The following ASH1L variants were observed in gnomAD, a reference collection of about 807,000 sequenced individuals.
ASH1L encodes the protein histone-lysine N-methyltransferase ASH1L.
In ASH1L, 23 loss-of-function variants were observed where a neutral mutation model predicts 269.0. The observed-to-expected ratio is 0.09, with a 90% confidence interval of 0.06 to 0.12. ASH1L has a LOEUF of 0.12. ASH1L is among the 10% of genes least tolerant of loss of function. The pLI, the probability that ASH1L is intolerant of heterozygous loss-of-function variation, is 1.00. For missense variants in ASH1L, 2,912 were observed against 3,567.8 expected (o/e 0.82, Z 4.68); for synonymous variants, 1,187 against 1,253.5 (o/e 0.95, Z 1.12).
chr1:155,345,325 C>T (rs1435555679), intron 21 of ASH1L, among the ~76,000 whole-genome samples: 19 of 151,248 alleles, frequency 1.3e-4, no homozygotes, highest in African/African-American at 3.2e-4. Flanking sequence ...GGATTACAGG[C>T]GCCTGCCACT....
At chr1:155,539,694 A>G (rs1308484685) in intron 1 of ASH1L, among the ~76,000 whole-genome samples, 2 of 151,792 alleles carry the variant, frequency 1.3e-5, no homozygotes, top group African/African-American at 4.8e-5. Flanking sequence ...ACGATCTTCC[A>G]GCCTCGGCCT....
rs150928540 is a variant in ASH1L at position 155,469,076 on chromosome 1, T to C, written c.4984+8810A>G. 4.2e-3 allele frequency among the ~76,000 whole-genome samples: 634 copies of C among 152,282 alleles called. 3 individuals are homozygous for C. The highest frequency in any genetic ancestry group is 0.015 in the African/African-American group (619 of 41,560). ...TCCAGAAATCTAACATTTGCCACTA[T>C]ACAAATGGCTCTCAGACACAAGACA... On this transcript the variant is annotated intron_variant, in intron 3 of 27. Coordinates refer to ENST00000392403, the MANE Select transcript of ASH1L (RefSeq NM_018489.3).
chr1:155,453,921 T>C (rs1663684412), intron 4 of ASH1L, among the ~76,000 whole-genome samples: 1 of 151,998 alleles, frequency 6.6e-6, no homozygotes, highest in Non-Finnish European at 1.5e-5. Flanking sequence ...GCTAACACGG[T>C]GAAACCCCGT....
At chr1:155,494,357 C>G (rs529428733) in intron 2 of ASH1L, among the ~76,000 whole-genome samples, 1 of 152,002 alleles carries the variant, frequency 6.6e-6, no homozygotes, top group Non-Finnish European at 1.5e-5. Context: ...ATTTTTCAGT[C>G]CAAGAAAGAG....
rs1167682897 is a variant in ASH1L, at chr1:155,349,451, T to C, written c.7430A>G (p.Asp2477Gly). 1 of 1,614,148 alleles carries C rather than the reference T, an allele frequency of 6.2e-7. No individual in the cohort carries two copies. The highest frequency in any genetic ancestry group is 1.7e-5 in the Admixed American group (1 of 60,004). Residue 2477 changes from aspartate to glycine, a missense_variant, in exon 19 of 28, where the codon GAT becomes GGT. Physicochemically the swap from Asp to Gly is moderately conservative, Grantham distance 94. Around this residue, in one of 13 missense-constraint regions of ASH1L, gnomAD observed 309 missense variants for 435.1 expected, o/e 0.71. Transcript: ENST00000392403. ...LNLPPKKKNADYYEKISDPLD... is the reference protein window; with the variant it reads ...LNLPPKKKNAGYYEKISDPLD... Reference sequence around the variant, plus strand: ...GGGATCAGAGATCTTCTCATAATAATCAGCATTCCTGGAACACAAAGCCAG... The same window carrying C: ...GGGATCAGAGATCTTCTCATAATAACCAGCATTCCTGGAACACAAAGCCAG...
intron 6 of ASH1L, among the ~76,000 whole-genome samples, chr1:155,403,398 C>T (rs557967111): frequency 6.6e-6 from 1 of 152,290 alleles, no homozygotes; most frequent in East Asian, 1.9e-4. Flanking sequence ...ACAAACAACT[C>T]TGCAGCCAAT....
At chr1:155,557,424 G>A (rs1198283483) in intron 1 of ASH1L, among the ~76,000 whole-genome samples, 1 of 151,726 alleles carries the variant, frequency 6.6e-6, no homozygotes, top group African/African-American at 2.4e-5. Flanking sequence ...CACCATGCCC[G>A]GCTAATTTTG....
chr1:155,494,287 T>C (rs1039042053), intron 2 of ASH1L, among the ~76,000 whole-genome samples: 1 of 152,158 alleles, frequency 6.6e-6, no homozygotes, highest in Non-Finnish European at 1.5e-5. Flanking sequence ...AAAGAATCCA[T>C]GTTTGCAGTA....
intron 4 of ASH1L, among the ~76,000 whole-genome samples, chr1:155,458,046 G>T (rs1420718012): frequency 6.6e-6 from 1 of 152,050 alleles, no homozygotes; most frequent in African/African-American, 2.4e-5. Context: ...ACAAAAACAG[G>T]CCTTGGACTG....
At chr1:155,467,965 CTACAG>C (rs1164612471) in intron 3 of ASH1L, among the ~76,000 whole-genome samples, 1 of 152,132 alleles carries the variant, frequency 6.6e-6, no homozygotes, top group Non-Finnish European at 1.5e-5. Context: ...TCTTACATAA[CTACAG>C]TACATTTGTC....
At chr1:155,441,260 G>C (rs1240141754) in intron 4 of ASH1L, among the ~76,000 whole-genome samples, 1 of 151,934 alleles carries the variant, frequency 6.6e-6, no homozygotes, top group African/African-American at 2.4e-5. Flanking sequence ...GATTTCCAAT[G>C]TTAGGTTAGA....
At chr1:155,433,921 T>G (rs1443269459) in intron 5 of ASH1L, 1 of 1,590,142 alleles carries the variant, frequency 6.3e-7, no homozygotes, top group South Asian at 1.1e-5. Context: ...ACCTGGAGAA[T>G]TTGTTCCTGC....
chr1:155,419,649 A>G (rs1660509491), intron 5 of ASH1L: 1 of 152,224 alleles, frequency 6.6e-6, no homozygotes, highest in Non-Finnish European at 1.5e-5. Context: ...TGTACTGGCA[A>G]TGACCAGGCA....
chr1:155,497,420 C>T (rs1667221465), intron 2 of ASH1L, among the ~76,000 whole-genome samples: 1 of 152,216 alleles, frequency 6.6e-6, no homozygotes, highest in African/African-American at 2.4e-5. Context: ...CCAACCCCTA[C>T]TCTTCCTCCT....
intron 2 of ASH1L, among the ~76,000 whole-genome samples, chr1:155,520,072 C>T (rs777203574): frequency 6.6e-6 from 1 of 152,054 alleles, no homozygotes; most frequent in Non-Finnish European, 1.5e-5. Context: ...ATTATTTTGG[C>T]TGGGTACAGT....
intron 2 of ASH1L, among the ~76,000 whole-genome samples, chr1:155,487,910 T>C (rs1335365099): frequency 1.3e-5 from 2 of 150,260 alleles, no homozygotes; most frequent in South Asian, 2.1e-4. Context: ...TTTTTTGAAA[T>C]GGAGTCTTGC....
rs1252337843 is a variant in ASH1L at position 155,460,812 on chromosome 1, G to GA, written c.4985-915dup. Among the ~76,000 whole-genome samples, 25 of 152,252 alleles carry GA rather than the reference G, an allele frequency of 1.6e-4. 1 individual carries two copies. Among genetic ancestry groups the GA allele is most frequent in the African/African-American group, 5.5e-4 (23 of 41,556 alleles). ...ATACATAAAAGCTTATGAAGACAAA[G>GA]AAACTCAATTTCCTTTCAAAAACTT... On this transcript the variant is annotated intron_variant, in intron 3 of 27. Transcript: ENST00000392403.
intron 17 of ASH1L, 83 bp from the exon 18 acceptor site, chr1:155,349,679 T>C: frequency 2.9e-6 from 2 of 689,936 alleles, no homozygotes; most frequent in Non-Finnish European, 4.9e-6. Flanking sequence ...ATAGAATCCC[T>C]CAAATTAAAA....
chr1:155,518,552 A>G (rs1417716229), intron 2 of ASH1L, among the ~76,000 whole-genome samples: 3 of 152,140 alleles, frequency 2.0e-5, no homozygotes, highest in Non-Finnish European at 4.4e-5. Flanking sequence ...AAAAGTAGTC[A>G]AATAATTTGA....
Sources: allele counts gnomAD v4.1 joint callset (sites outside exome capture counted in the v4.1 genomes callset), GRCh38; gene constraint gnomAD v4.1.1; regional missense constraint gnomAD v4.1.1; transcripts MANE v1.5; gene names NCBI Gene and HGNC (gene_info 2026-07-23, HGNC 2026-07-21).